Variants in IL1RL2 observed in about 807,000 individuals in gnomAD.
IL1RL2 encodes the protein interleukin 1 receptor like 2.
In IL1RL2, 68 loss-of-function variants were observed where a neutral mutation model predicts 66.8. That is an observed-to-expected ratio of 1.02 (90% CI 0.84 to 1.25). The LOEUF is 1.25. IL1RL2 is among the 50% of genes most tolerant of loss of function. The pLI, the probability that IL1RL2 is intolerant of heterozygous loss-of-function variation, is 0.00. For synonymous variants in IL1RL2, 305 were observed against 264.6 expected, an observed-to-expected ratio of 1.15 and a Z score of -1.48; for missense variants, 729 against 709.3, an observed-to-expected ratio of 1.03 and a Z score of -0.32.
chr2:102,207,466 C>A (rs192018591), intron 5 of IL1RL2, among the ~76,000 whole-genome samples: 3 of 152,122 alleles, frequency 2.0e-5, no homozygotes, highest in Admixed American at 2.0e-4. Flanking sequence ...ATGAATGCTG[C>A]AAGGACTGAA....
intron 9 of IL1RL2, among the ~76,000 whole-genome samples, chr2:102,231,448 A>G (rs1691119346): frequency 6.6e-6 from 1 of 152,194 alleles, no homozygotes; most frequent in African/African-American, 2.4e-5. Context: ...CAGTGAGCCA[A>G]GATGGCGCCA....
At chr2:102,232,936 C>G (rs1486853548) in intron 9 of IL1RL2, 27 bp from the exon 10 acceptor site, 2 of 1,591,202 alleles carry the variant, frequency 1.3e-6, no homozygotes, top group East Asian at 4.5e-5. Context: ...AGCAACAATT[C>G]CACAAGCTTG....
intron 4 of IL1RL2, among the ~76,000 whole-genome samples, chr2:102,195,643 CTCTCTTTCTTTCTTTCTTTCTTTCTT>C (rs1687690164): frequency 4.9e-5 from 3 of 61,848 alleles, no homozygotes; most frequent in Non-Finnish European, 6.8e-5. Context: ...CTCTCTCTCT[CTCTCTTTCTTTCTTTCTTTCTTTCTT>C]TCTTTCTTTC....
chr2:102,206,872 T>C (rs1318443803), intron 5 of IL1RL2, among the ~76,000 whole-genome samples: 1 of 152,238 alleles, frequency 6.6e-6, no homozygotes, highest in Non-Finnish European at 1.5e-5. Flanking sequence ...AGGTGCCATC[T>C]AGGAGTGAGG....
Position 102,187,101 on chromosome 2 carries a change from G to T in IL1RL2, c.-13+15G>T, listed in dbSNP as rs1559521411. 5 of 1,289,664 alleles carry T rather than the reference G, an allele frequency of 3.9e-6. No individual in the cohort carries two copies. The highest frequency in any genetic ancestry group is 4.0e-6 in the Non-Finnish European group (4 of 988,692). The allele number at this position is 1,289,664 out of a possible 1,614,324, so 79.9% of individuals were successfully genotyped here. On this transcript the variant is annotated intron_variant, in intron 1 of 11. Transcript: ENST00000264257. ...CCTGCAGGCAGGTAGACACCGGGCC[G>T]GGAGTCTGGCTGAGCCAGGCATGGG...
In IL1RL2 at chr2:102,218,039, G is replaced by A. The variant is rs541271593; in HGVS notation, c.725-914G>A. On this transcript the variant is annotated intron_variant, in intron 6 of 11. Transcript: ENST00000264257. ...ATTTGTAAACTGTGCATCTGACAAG[G>A]GGTTAATATCCAGAATATAGAAGGA... Among the ~76,000 whole-genome samples the A allele has an allele frequency of 9.2e-5, 14 of 152,032 alleles. No individual in the cohort carries two copies. The East Asian group carries it at 1.2e-3, about 13-fold the overall frequency.
chr2:102,208,119 T>A (rs1448684889), intron 5 of IL1RL2, among the ~76,000 whole-genome samples: 2 of 152,140 alleles, frequency 1.3e-5, no homozygotes. Context: ...TTGGCGAGAG[T>A]GGCATTGGTG....
At chr2:102,231,096 A>G (rs950597270) in intron 9 of IL1RL2, among the ~76,000 whole-genome samples, 1 of 152,178 alleles carries the variant, frequency 6.6e-6, no homozygotes, top group Non-Finnish European at 1.5e-5. Context: ...GCGTTTTCCA[A>G]TGAGACGCCC....
chr2:102,211,423 T>C (rs1257120583), intron 5 of IL1RL2, among the ~76,000 whole-genome samples: 2 of 152,044 alleles, frequency 1.3e-5, no homozygotes, highest in African/African-American at 4.8e-5. Context: ...GGACGGGATA[T>C]AAAATAATAT....
intron 8 of IL1RL2, among the ~76,000 whole-genome samples, chr2:102,220,507 G>A (rs1219523249): frequency 6.6e-6 from 1 of 152,154 alleles, no homozygotes; most frequent in East Asian, 1.9e-4. Flanking sequence ...AGAACTAATT[G>A]ATTATGCATT....
At chr2:102,226,554 C>T (rs1690634255) in intron 9 of IL1RL2, among the ~76,000 whole-genome samples, 1 of 152,116 alleles carries the variant, frequency 6.6e-6, no homozygotes, top group African/African-American at 2.4e-5. Context: ...TGTGACTTCT[C>T]CACTTACTCC....
chr2:102,221,901 G>A (rs1690172653), intron 8 of IL1RL2, among the ~76,000 whole-genome samples: 1 of 152,076 alleles, frequency 6.6e-6, no homozygotes, highest in Non-Finnish European at 1.5e-5. Flanking sequence ...TATGGTAAAG[G>A]AACACAGAAT....
At chr2:102,230,588 G>A (rs969880167) in intron 9 of IL1RL2, among the ~76,000 whole-genome samples, 57 of 152,288 alleles carry the variant, frequency 3.7e-4, no homozygotes, top group African/African-American at 1.2e-3. Context: ...CTCTGCGCCC[G>A]GTCCTGCTCC....
At chr2:102,219,207 A>T in intron 7 of IL1RL2, 125 bp downstream of exon 7, 1 of 1,035,238 alleles carries the variant, frequency 9.7e-7, no homozygotes, top group East Asian at 2.4e-5. Context: ...TATCAATCCC[A>T]CCTATCACAT....
At position 102,239,323 on chromosome 2, in the gene IL1RL2, C is replaced by A; in HGVS notation, c.*82C>A. Reference sequence around the variant, plus strand: ...TCATTCCTACACCTATTTTCTGCTGCAGGATGAGGCTAGGGTTAGCATTCT... The same window carrying A: ...TCATTCCTACACCTATTTTCTGCTGAAGGATGAGGCTAGGGTTAGCATTCT... On this transcript the variant is annotated 3_prime_UTR_variant, in exon 12 of 12. Coordinates refer to ENST00000264257, the MANE Select transcript of IL1RL2 (RefSeq NM_003854.4). 1 of 1,317,970 alleles carries A rather than the reference C, an allele frequency of 7.6e-7. No homozygotes were observed. Among genetic ancestry groups the A allele is most frequent in the Non-Finnish European group, 1.1e-6 (1 of 912,128 alleles). The allele number at this position is 1,317,970 out of a possible 1,614,324, so 81.6% of individuals were successfully genotyped here.
chr2:102,213,181 AACAT>A (rs1689327592), intron 6 of IL1RL2, among the ~76,000 whole-genome samples: 1 of 152,222 alleles, frequency 6.6e-6, no homozygotes, highest in Non-Finnish European at 1.5e-5. Context: ...GGGAGATTTT[AACAT>A]ACTCTTGCTT....
At position 102,219,069 on chromosome 2, in the gene IL1RL2, A is replaced by G. The variant is rs1173861968; in HGVS notation, c.841A>G (p.Arg281Gly). ...DDYYDESKRIREGVETHVSFR... is the reference protein window; with the variant it reads ...DDYYDESKRIGEGVETHVSFR... ...TTACTATGATGAATCCAAACGAATC[A>G]GAGAAGGGGTGGAGTAGGTGTTTTG... Residue 281 changes from arginine to glycine, a missense_variant, in exon 7 of 12, where the codon AGA (arginine) becomes GGA (glycine). By Grantham distance (125) the Arg-to-Gly change is moderately radical. Coordinates refer to ENST00000264257, the MANE Select transcript of IL1RL2 (RefSeq NM_003854.4). The G allele has an allele frequency of 6.2e-7, 1 of 1,613,966 alleles. No homozygotes were observed. The highest frequency in any genetic ancestry group is 1.1e-5 in the South Asian group (1 of 91,084).
At chr2:102,224,979 CTGAAGAAGGAAGTGGTG>C (rs1299663353) in intron 8 of IL1RL2, among the ~76,000 whole-genome samples, 12 of 152,266 alleles carry the variant, frequency 7.9e-5, no homozygotes, top group East Asian at 7.7e-4. Flanking sequence ...GAGGAAAGGG[CTGAAGAAGGAAGTGGTG>C]TGTGAGGTGG....
chr2:102,206,483 C>T (rs1432224766), intron 5 of IL1RL2, among the ~76,000 whole-genome samples: 1 of 152,190 alleles, frequency 6.6e-6, no homozygotes, highest in African/African-American at 2.4e-5. Context: ...TCTTGCAGAC[C>T]TGTAGAGGTA....
Sources: allele counts gnomAD v4.1 joint callset (sites outside exome capture counted in the v4.1 genomes callset), GRCh38; gene constraint gnomAD v4.1.1; transcripts MANE v1.5; gene names NCBI Gene and HGNC (gene_info 2026-07-23, HGNC 2026-07-21).